HSPG2: variants seen among roughly 807,000 people sequenced by gnomAD.
HSPG2 encodes the protein basement membrane-specific heparan sulfate proteoglycan core protein.
In HSPG2, 278 loss-of-function variants were observed where a neutral mutation model predicts 526.6. The ratio of observed to expected loss-of-function variants is 0.53; its 90% CI spans 0.48 to 0.58. The LOEUF is 0.58. Among genes scored for constraint, HSPG2 ranks in the 20% least tolerant of loss-of-function variants. HSPG2 has a pLI of 0.00. For missense variants in HSPG2, 5,354 were observed against 6,099.5 expected (o/e 0.88, Z 4.07); for synonymous variants, 2,465 against 2,555.4 (o/e 0.96, Z 1.07).
intron 37 of HSPG2, among the ~76,000 whole-genome samples, chr1:21,863,071 A>AAAAC (rs1639942243): frequency 7.3e-6 from 1 of 137,136 alleles, no homozygotes; most frequent in Non-Finnish European, 1.6e-5. Context: ...AAAAAAAAAA[A>AAAAC]AAAAAAAAAA....
chr1:21,841,897 A>G, intron 69 of HSPG2, 105 bp downstream of exon 69: 1 of 1,487,368 alleles, frequency 6.7e-7, no homozygotes, highest in Non-Finnish European at 9.3e-7. Context: ...GGGCCACACC[A>G]TGAATGTGGG....
chr1:21,892,422 T>G (rs1197244454), intron 3 of HSPG2, among the ~76,000 whole-genome samples: 1 of 152,234 alleles, frequency 6.6e-6, no homozygotes, highest in Non-Finnish European at 1.5e-5. Context: ...CAAAGCCCCT[T>G]TCTACTAGGG....
At chr1:21,840,702 G>C (rs917271313) in intron 71 of HSPG2, among the ~76,000 whole-genome samples, 1 of 151,930 alleles carries the variant, frequency 6.6e-6, no homozygotes, top group African/African-American at 2.4e-5. Context: ...TGGCCTCCCA[G>C]GCTGGTCTCA....
chr1:21,845,985 C>G, intron 64 of HSPG2, 123 bp downstream of exon 64: 1 of 1,237,870 alleles, frequency 8.1e-7, no homozygotes, highest in Non-Finnish European at 1.2e-6. Flanking sequence ...GAGGTGAAGT[C>G]TGGAATCAGA....
intron 1 of HSPG2, among the ~76,000 whole-genome samples, chr1:21,927,994 C>G (rs1354953765): frequency 6.6e-6 from 1 of 152,238 alleles, no homozygotes; most frequent in East Asian, 1.9e-4. Flanking sequence ...AGACTTAGTG[C>G]AATCACGGAT....
At chr1:21,902,480 C>T (rs1185407108) in intron 1 of HSPG2, among the ~76,000 whole-genome samples, 2 of 152,200 alleles carry the variant, frequency 1.3e-5, no homozygotes, top group Non-Finnish European at 2.9e-5. Flanking sequence ...ACTGGAGGCA[C>T]ACTCATTTGA....
At position 21,824,726 on chromosome 1, in the gene HSPG2, G is replaced by A. The variant is rs1459993725; in HGVS notation, c.12643C>T (p.Pro4215Ser). The A allele has an allele frequency of 3.7e-6, 6 of 1,613,716 alleles. No individual in the cohort carries two copies. In the South Asian group the frequency reaches 5.5e-5, roughly 15 times the overall value. Reference sequence around the variant, plus strand: ...CACCTCCTGGAGAAGACATGGCCAGGGAAGGCGAGGAAGCCATCATCGTGG... The same window carrying A: ...CACCTCCTGGAGAAGACATGGCCAGAGAAGGCGAGGAAGCCATCATCGTGG... ...YFHDDGFLAF[P>S]GHVFSRSLPE... Residue 4215 changes from proline to serine, a missense_variant, in exon 92 of 97, where the codon CCT (proline) becomes TCT (serine). Coordinates refer to ENST00000374695, the MANE Select transcript of HSPG2 (RefSeq NM_005529.7). This position sits in a 1 kb window ranked among gnomAD's most constrained non-coding sequence, Gnocchi z 5.9.
intron 64 of HSPG2, among the ~76,000 whole-genome samples, chr1:21,845,685 A>G (rs1043324136): frequency 2.0e-5 from 3 of 152,196 alleles, no homozygotes; most frequent in East Asian, 3.9e-4. Flanking sequence ...GCTCTAATAA[A>G]GATGTGTAAA....
chr1:21,826,670 C>G (rs1364629145), intron 91 of HSPG2, among the ~76,000 whole-genome samples: 4 of 152,052 alleles, frequency 2.6e-5, no homozygotes, highest in Non-Finnish European at 4.4e-5. Flanking sequence ...CCACCACGCC[C>G]AGCTAATTTT....
chr1:21,860,129 C>A (rs1466550559), intron 40 of HSPG2, 48 bp downstream of exon 40: 2 of 1,610,170 alleles, frequency 1.2e-6, no homozygotes, highest in Non-Finnish European at 1.7e-6. Context: ...ATTCCCAGGG[C>A]TCCCTGCCTT....
intron 52 of HSPG2, 120 bp downstream of exon 52, chr1:21,852,580 C>G (rs767459082): frequency 1.4e-6 from 2 of 1,398,706 alleles, no homozygotes; most frequent in Admixed American, 1.7e-5. Context: ...CTGGGCAGGG[C>G]CCTGCAGCCA....
Position 21,884,856 on chromosome 1 carries a change from T to A in HSPG2, c.1418A>T (p.Asp473Val). 6.2e-7 allele frequency: 1 copy of A among 1,613,940 alleles called. No individual in the cohort carries two copies. The highest frequency in any genetic ancestry group is 8.5e-7 in the Non-Finnish European group (1 of 1,180,024). The change falls in exon 12 of 97, where the codon GAC becomes GTC. Residue 473 changes from aspartate to valine, a missense_variant. Physicochemically the swap from Asp to Val is radical, Grantham distance 152. Coordinates refer to ENST00000374695, the MANE Select transcript of HSPG2 (RefSeq NM_005529.7). Reference sequence around the variant, plus strand: ...GGCCTCACAGGTGTAGGCACCCTGGTCTGACTCCTTCACATCACGGATGAT... The same window carrying A: ...GGCCTCACAGGTGTAGGCACCCTGGACTGACTCCTTCACATCACGGATGAT... Reference protein sequence around the residue: ...TLIIRDVKESDQGAYTCEAMN... With the variant: ...TLIIRDVKESVQGAYTCEAMN...
chr1:21,841,219 A>C lies in HSPG2; in HGVS notation c.9395T>G (p.Leu3132Arg), dbSNP rs2098047109. ...VWVKVGKAVT[L>R]ECVSAGEPRS... Reference sequence around the variant, plus strand: ...GGGCTCCCCGGCACTGACACACTCCAGGGTGACAGCCTTTCCCACTTTCAC... The same window carrying C: ...GGGCTCCCCGGCACTGACACACTCCCGGGTGACAGCCTTTCCCACTTTCAC... The change falls in exon 71 of 97, where the codon CTG becomes CGG. Residue 3132 changes from leucine to arginine, a missense_variant. By Grantham distance (102) the Leu-to-Arg change is moderately radical (BLOSUM62 -2). Coordinates refer to ENST00000374695, the MANE Select transcript of HSPG2 (RefSeq NM_005529.7). 2 of 1,613,892 alleles carry C rather than the reference A, an allele frequency of 1.2e-6. No homozygotes were observed. The highest frequency in any genetic ancestry group is 1.7e-6 in the Non-Finnish European group (2 of 1,180,036).
rs141642156 is a variant in HSPG2 at position 21,824,431 on chromosome 1, C to T, written c.12745-55G>A. ...CCCCAGCCTGGAGAGCAGAGGCTGCCGAGGCCAGGGGGCTCTGCTTTCCCC... is the reference window on the plus strand; with the variant it reads ...CCCCAGCCTGGAGAGCAGAGGCTGCTGAGGCCAGGGGGCTCTGCTTTCCCC... On this transcript the variant is annotated intron_variant, in intron 93 of 96. Transcript: ENST00000374695. This position sits in a 1 kb window ranked among gnomAD's most constrained non-coding sequence, Gnocchi z 5.9. The T allele has an allele frequency of 3.9e-4, 622 of 1,603,944 alleles. 8 individuals are homozygous for T. In the East Asian group the frequency reaches 0.011, roughly 29 times the overall value.
rs569267894 is a variant in HSPG2 at position 21,864,109 on chromosome 1, C to A, written c.4731G>T (p.Gly1577=). ...CTCGCTTGCAGCTCACCGAGCAGGC[C>A]CCAGTCTCTGGGTGGCACAGGTCTG... ...GHSDLCHPET[G]ACSQCQHNAA... The change falls in exon 37 of 97, where the codon GGG becomes GGT. Residue 1577 remains glycine, a synonymous_variant. Coordinates refer to ENST00000374695, the MANE Select transcript of HSPG2 (RefSeq NM_005529.7). This position sits in a 1 kb window ranked among gnomAD's most constrained non-coding sequence, Gnocchi z 4.8. 3.2e-6 allele frequency: 5 copies of A among 1,553,344 alleles called. No individual in the cohort carries two copies. Among genetic ancestry groups the A allele is most frequent in the Non-Finnish European group, 4.4e-6 (5 of 1,148,370 alleles).
chr1:21,929,195 C>G (rs1360730506), intron 1 of HSPG2, among the ~76,000 whole-genome samples: 1 of 152,188 alleles, frequency 6.6e-6, no homozygotes, highest in African/African-American at 2.4e-5. Flanking sequence ...AAGCCATGAG[C>G]TCCGGCTGTG....
At chr1:21,936,287 T>A (rs1195078593) in intron 1 of HSPG2, among the ~76,000 whole-genome samples, 1 of 152,198 alleles carries the variant, frequency 6.6e-6, no homozygotes, top group Non-Finnish European at 1.5e-5. Context: ...TCGGGATTCC[T>A]GACCGTAGAA....
chr1:21,908,970 T>C (rs1319983037), intron 1 of HSPG2, among the ~76,000 whole-genome samples: 2 of 152,286 alleles, frequency 1.3e-5, no homozygotes, highest in East Asian at 3.9e-4. Context: ...TAGCCGGGCA[T>C]GGTGGCACAT....
rs945663536 is a variant in HSPG2, at chr1:21,880,408, G to C, written c.2150C>G (p.Thr717Ser). The C allele has an allele frequency of 6.2e-7, 1 of 1,613,992 alleles. No individual in the cohort carries two copies. The highest frequency in any genetic ancestry group is 8.5e-7 in the Non-Finnish European group (1 of 1,180,044). Residue 717 changes from threonine to serine, a missense_variant, in exon 16 of 97, where the codon ACC (threonine) becomes AGC (serine). Thr to Ser is a moderately conservative substitution (Grantham distance 58, BLOSUM62 1). Transcript: ENST00000374695. The stretch of plus-strand genomic sequence containing the variant: ...GGCACGGCCATGGCTGGTGGCATGG[G>C]TGACGGTGGTATCCATGGCGATGTC... ...LSDIAMDTTV[T>S]HATSHGRAHS...
Sources: allele counts gnomAD v4.1 joint callset (sites outside exome capture counted in the v4.1 genomes callset), GRCh38; gene constraint gnomAD v4.1.1; non-coding constraint Gnocchi (gnomAD v3.1); transcripts MANE v1.5; gene names NCBI Gene and HGNC (gene_info 2026-07-23, HGNC 2026-07-21).